The following CCDC194 variants were observed in gnomAD, a reference collection of about 807,000 sequenced individuals.
CCDC194 encodes the protein coiled-coil domain containing 194.
A neutral mutation model predicts 4.9 loss-of-function variants in CCDC194; 8 were observed. The observed-to-expected ratio is 1.65, with a 90% CI of 0.97 to 2.97. CCDC194 has a LOEUF of 2.97. CCDC194 is among the 30% of genes most tolerant of loss of function. The probability of loss-of-function intolerance (pLI) is 0.00; values close to 1 mark genes in which losing one functional copy is unlikely to be tolerated. For synonymous variants in CCDC194, 13 were observed against 17.0 expected (o/e 0.76, Z 0.58); for missense variants, 52 against 43.1 (o/e 1.21, Z -0.58).
chr19:17,389,947 A>G (rs2074648078), downstream of CCDC194, among the ~76,000 whole-genome samples: 1 of 152,206 alleles, frequency 6.6e-6, no homozygotes, highest in Admixed American at 6.6e-5. Context: ...CCTGGGCGAC[A>G]ACAGCAAAAC....
At chr19:17,387,439 C>T (rs1183100440), downstream of CCDC194, among the ~76,000 whole-genome samples, 2 of 151,966 alleles carry the variant, frequency 1.3e-5, no homozygotes, top group Non-Finnish European at 2.9e-5. Context: ...AAACGGGGGC[C>T]GGGCACAGCG....
chr19:17,391,728 AC>A (rs2074655355), intron 2 of CCDC194, 21 bp downstream of exon 2: 1 of 1,534,534 alleles, frequency 6.5e-7, no homozygotes, highest in Admixed American at 2.0e-5. Flanking sequence ...ATCCCTGCCC[AC>A]TCCCTTACAC....
At chr19:17,392,294 G>A (rs1228269596) in intron 1 of CCDC194, 1 of 151,014 alleles carries the variant, frequency 6.6e-6, no homozygotes, top group Admixed American at 6.6e-5. Flanking sequence ...CCAACATGGT[G>A]AAAACCCATC....
At chr19:17,394,114 G>A (rs1954560802) in exon 1 of CCDC194, 2 of 393,286 alleles carry the variant, frequency 5.1e-6, no homozygotes, top group Non-Finnish European at 9.0e-6. Context: ...CGCACAGGGC[G>A]AGCACCCGCC....
intron 1 of CCDC194, chr19:17,392,327 AT>A (rs1171763808): frequency 0.024 from 3,516 of 145,634 alleles, 144 homozygotes; most frequent in African/African-American, 0.094. Flanking sequence ...AAAAAAAAAA[AT>A]AGCAGTGTGT....
exon 2 of CCDC194, chr19:17,391,825 T>C (rs749041093): frequency 6.5e-7 from 1 of 1,533,926 alleles, no homozygotes; most frequent in African/African-American, 1.4e-5. Flanking sequence ...TTCAGTGTCG[T>C]TAGTTGGGTC....
exon 1 of CCDC194, chr19:17,393,919 C>G: frequency 2.5e-6 from 1 of 397,228 alleles, no homozygotes; most frequent in East Asian, 3.6e-5. Context: ...CTAGGGCCTC[C>G]TCCCGCTCGG....
rs990907646 is a variant in CCDC194, at chr19:17,391,094, C to G, written c.554+117G>C. On this transcript the variant is annotated intron_variant, in intron 3 of 3. Coordinates refer to ENST00000636079, the Ensembl canonical transcript of CCDC194. ...CCTATTAAATCAACAATGCCCCCCCCCCACCACAATTCCACGCCCAAAGTA... is the reference window on the plus strand; with the variant it reads ...CCTATTAAATCAACAATGCCCCCCCGCCACCACAATTCCACGCCCAAAGTA... 4 of 378,964 alleles carry G rather than the reference C, an allele frequency of 1.1e-5. No homozygotes were observed. In the Admixed American group the frequency reaches 1.8e-4, roughly 17 times the overall value. The allele number at this position is 378,964 out of a possible 1,614,324, so 23.5% of individuals were successfully genotyped here.
intron 1 of CCDC194, 106 bp downstream of exon 1, chr19:17,393,729 T>A (rs2074663665): frequency 7.7e-6 from 3 of 390,452 alleles, no homozygotes; most frequent in Non-Finnish European, 1.4e-5. Context: ...TTCGAGGAAC[T>A]GGGGAAACCG....
downstream of CCDC194, among the ~76,000 whole-genome samples, chr19:17,388,193 CTTTTTTTTTT>C (rs71162117): frequency 4.3e-5 from 4 of 92,112 alleles, no homozygotes; most frequent in Non-Finnish European, 6.2e-5. Flanking sequence ...TCTTTTTTTC[CTTTTTTTTTT>C]TTTTTTTTTT....
rs1244457193 is a variant in CCDC194, at chr19:17,391,780, G to A, written c.391C>T (p.Gln131Ter). Residue 131 changes from glutamine (Q) to a stop codon, truncating the protein, a stop_gained, in exon 2 of 4, where the codon CAG (glutamine) becomes TAG (stop). Coordinates refer to ENST00000636079, the Ensembl canonical transcript of CCDC194. LOFTEE classifies it high-confidence loss of function. The stretch of plus-strand genomic sequence containing the variant: ...AGCGCCCCGTTCTCGGCCCCCATCT[G>A]GGTCCCCTGTGCCTTGGCTTCGTCC... 6.5e-7 allele frequency: 1 copy of A among 1,535,556 alleles called. No homozygotes were observed. Among genetic ancestry groups the A allele is most frequent in the African/African-American group, 1.4e-5 (1 of 73,040 alleles).
intron 1 of CCDC194, chr19:17,392,311 TAAAAAAA>T (rs77753979): frequency 1.5e-5 from 2 of 137,482 alleles, no homozygotes; most frequent in Admixed American, 1.4e-4. Flanking sequence ...CATCTCTACT[TAAAAAAA>T]AAAAAAAAAT....
intron 3 of CCDC194, among the ~76,000 whole-genome samples, chr19:17,391,010 C>T (rs1475445870): frequency 6.6e-6 from 1 of 152,150 alleles, no homozygotes; most frequent in Non-Finnish European, 1.5e-5. Context: ...CCGCCCCAGC[C>T]TGGAATCCCA....
downstream of CCDC194, among the ~76,000 whole-genome samples, chr19:17,388,473 C>A (rs1001819723): frequency 6.6e-6 from 1 of 151,942 alleles, no homozygotes; most frequent in Non-Finnish European, 1.5e-5. Context: ...GATCTTGGCT[C>A]ACTGCAGCCT....
chr19:17,391,378 T>TGC, intron 2 of CCDC194, 35 bp from the exon 3 acceptor site: 1 of 501,582 alleles, frequency 2.0e-6, no homozygotes, highest in Non-Finnish European at 3.5e-6. Context: ...GGCTGGAGAC[T>TGC]CCCGCGCCCA....
downstream of CCDC194, among the ~76,000 whole-genome samples, chr19:17,389,584 T>C (rs776021183): frequency 6.6e-6 from 1 of 152,220 alleles, no homozygotes; most frequent in African/African-American, 2.4e-5. Context: ...CATTTCCTCA[T>C]TTGATCTATT....
At chr19:17,391,218 C>T (rs947103691) in exon 3 of CCDC194, 25 of 400,174 alleles carry the variant, frequency 6.2e-5, no homozygotes, top group Admixed American at 4.4e-5. Flanking sequence ...CACAGGCGTT[C>T]GCGCAGCGCC....
chr19:17,387,662 G>A (rs2074640492), downstream of CCDC194, among the ~76,000 whole-genome samples: 1 of 151,956 alleles, frequency 6.6e-6, no homozygotes, highest in African/African-American at 2.4e-5. Flanking sequence ...AGGTTGCAGT[G>A]AGCTGAGACT....
downstream of CCDC194, among the ~76,000 whole-genome samples, chr19:17,387,436 G>A (rs539006045): frequency 1.1e-4 from 17 of 152,068 alleles, no homozygotes; most frequent in South Asian, 3.5e-3. Flanking sequence ...CAAAAACGGG[G>A]GCCGGGCACA....
Sources: gnomAD v4.1 joint callset for allele counts (sites outside exome capture counted in the v4.1 genomes callset) on GRCh38, gnomAD v4.1.1 for gene constraint, MANE v1.5 for transcripts, NCBI Gene and HGNC (gene_info 2026-07-23, HGNC 2026-07-21) for gene names.